RFC1: variants seen among roughly 807,000 people sequenced by gnomAD.
RFC1 encodes the protein A1 140 kDa subunit.
In RFC1, 37 loss-of-function variants were observed where a neutral mutation model predicts 137.4. The ratio of observed to expected loss-of-function variants is 0.27; its 90% CI spans 0.21 to 0.35. The LOEUF (loss-of-function observed/expected upper bound fraction) is 0.35, where lower values mean the gene tolerates loss of function less well. Among genes scored for constraint, RFC1 ranks in the 10% least tolerant of loss-of-function variants. The pLI, the probability that RFC1 is intolerant of heterozygous loss-of-function variation, is 1.00. For synonymous variants in RFC1, 429 were observed against 455.7 expected (o/e 0.94, Z 0.75); for missense variants, 1,205 against 1,358.5 (o/e 0.89, Z 1.78).
At chr4:39,333,165 C>T (rs138146666) in intron 4 of RFC1, among the ~76,000 whole-genome samples, 4 of 152,270 alleles carry the variant, frequency 2.6e-5, no homozygotes, top group Admixed American at 6.5e-5. Context: ...TTGGACCAAA[C>T]GAACTCTTAA....
At chr4:39,334,104 GC>G (rs969178993) in intron 4 of RFC1, among the ~76,000 whole-genome samples, 6 of 151,738 alleles carry the variant, frequency 4.0e-5, no homozygotes, top group African/African-American at 1.5e-4. Context: ...CCTATTTAGT[GC>G]CCCCTGATTT....
intron 1 of RFC1, among the ~76,000 whole-genome samples, chr4:39,357,258 C>T (rs1471822845): frequency 1.3e-5 from 2 of 152,110 alleles, no homozygotes; most frequent in Non-Finnish European, 2.9e-5. Flanking sequence ...GAGGCCACTC[C>T]CATGACAGCA....
Position 39,302,312 on chromosome 4 carries a change from G to T in RFC1, c.2501C>A (p.Ala834Asp). The change falls in exon 19 of 25, where the codon GCT becomes GAT. Residue 834 changes from alanine to aspartate, a missense_variant. Coordinates refer to ENST00000349703, the MANE Select transcript of RFC1 (RefSeq NM_002913.5). Reference protein sequence around the residue: ...SKALTYDQAKADSHRAKKDIK... With the variant: ...SKALTYDQAKDDSHRAKKDIK... ...ATCCTTTTTGGCTCTGTGAGAATCA[G>T]CTTTGGCCTGGTCATAGGTTAATGC... 6.2e-7 allele frequency: 1 copy of T among 1,612,764 alleles called. No individual in the cohort carries two copies. The highest frequency in any genetic ancestry group is 8.5e-7 in the Non-Finnish European group (1 of 1,178,798).
intron 9 of RFC1, chr4:39,318,098 A>C (rs1739336239): frequency 6.6e-6 from 1 of 152,186 alleles, no homozygotes; most frequent in Non-Finnish European, 1.5e-5. Flanking sequence ...CGGAGCTTGC[A>C]GTGAGCTGAG....
At chr4:39,301,402 C>T (rs1738354997) in intron 19 of RFC1, among the ~76,000 whole-genome samples, 1 of 152,148 alleles carries the variant, frequency 6.6e-6, no homozygotes, top group South Asian at 2.1e-4. Flanking sequence ...CGTACAACAC[C>T]AAGAGGGAAT....
At chr4:39,342,264 G>A (rs1025771203) in intron 4 of RFC1, 81 bp downstream of exon 4, 1 of 1,434,234 alleles carries the variant, frequency 7.0e-7, no homozygotes, top group South Asian at 1.4e-5. Flanking sequence ...CATTCAAAGT[G>A]AAGGAGGTAC....
At chr4:39,319,787 A>T (rs1739423311) in intron 9 of RFC1, among the ~76,000 whole-genome samples, 1 of 152,068 alleles carries the variant, frequency 6.6e-6, no homozygotes, top group African/African-American at 2.4e-5. Context: ...CTATCTAATA[A>T]CCAAGCCGGC....
chr4:39,344,235 T>C (rs564746075), intron 3 of RFC1, among the ~76,000 whole-genome samples: 18 of 152,236 alleles, frequency 1.2e-4, no homozygotes, highest in African/African-American at 4.1e-4. Context: ...ACCATCATTT[T>C]GTGCATCATA....
chr4:39,294,841 A>G (rs1201811767), intron 22 of RFC1, among the ~76,000 whole-genome samples: 1 of 152,104 alleles, frequency 6.6e-6, no homozygotes, highest in African/African-American at 2.4e-5. Context: ...CATATCTACC[A>G]AAAAATACAA....
rs1739471871 is a variant in RFC1, at chr4:39,320,599, T to G, written c.879A>C (p.Ser293=). Residue 293 remains serine, a synonymous_variant, in exon 9 of 25, where the codon TCA becomes TCC. Coordinates refer to ENST00000349703, the MANE Select transcript of RFC1 (RefSeq NM_002913.5). The part of the protein sequence containing the change: ...SPRKQSKYES[S]KESQQHSKSS... ...ACTTGGAATGTTGCTGAGATTCTTTTGAACTTTCATATTTACTTTGCTTCC... is the reference window on the plus strand; with the variant it reads ...ACTTGGAATGTTGCTGAGATTCTTTGGAACTTTCATATTTACTTTGCTTCC... The G allele has an allele frequency of 6.2e-7, 1 of 1,612,582 alleles. No individual in the cohort carries two copies. Among genetic ancestry groups the G allele is most frequent in the Non-Finnish European group, 8.5e-7 (1 of 1,179,660 alleles).
At chr4:39,336,325 C>A (rs1207683735) in intron 4 of RFC1, among the ~76,000 whole-genome samples, 2 of 7,064 alleles carry the variant, frequency 2.8e-4, no homozygotes, top group Non-Finnish European at 9.4e-3. Flanking sequence ...AAAGGCAGAT[C>A]CACACCACAG....
chr4:39,291,980 T>C (rs1737705704), intron 22 of RFC1, 128 bp from the exon 23 acceptor site: 2 of 689,226 alleles, frequency 2.9e-6, no homozygotes, highest in Admixed American at 2.3e-5. Flanking sequence ...GAATGCCTAC[T>C]ATTTGACAGC....
intron 13 of RFC1, among the ~76,000 whole-genome samples, chr4:39,307,707 C>T (rs547287596): frequency 3.3e-5 from 5 of 149,432 alleles, no homozygotes; most frequent in African/African-American, 1.2e-4. Flanking sequence ...CAGAGCAAGA[C>T]TCTGTCTCAA....
Position 39,289,965 on chromosome 4 carries a change from T to C in RFC1, c.3243A>G (p.Ala1081=), listed in dbSNP as rs1221112151. Reference sequence around the variant, plus strand: ...GGGATGGGCTTGTGCTGTGTCTAGATGCCTTTATAGCTTGAAGTGAGTATG... The same window carrying C: ...GGGATGGGCTTGTGCTGTGTCTAGACGCCTTTATAGCTTGAAGTGAGTATG... ...LTPYSLQAIK[A]SRHSTSPSLD... is the part of the protein sequence containing the mutation. Residue 1081 remains alanine, a synonymous_variant, in exon 24 of 25, where the codon GCA becomes GCG. Transcript: ENST00000349703. 3 of 1,613,598 alleles carry C rather than the reference T, an allele frequency of 1.9e-6. No homozygotes were observed. Among genetic ancestry groups the C allele is most frequent in the Non-Finnish European group, 2.5e-6 (3 of 1,179,612 alleles).
chr4:39,292,615 ATTAT>A (rs58733449), intron 22 of RFC1, among the ~76,000 whole-genome samples: 54,464 of 143,848 alleles, frequency 0.38, 11,981 homozygotes, highest in East Asian at 0.6. Flanking sequence ...ATATGTATAC[ATTAT>A]TTATTTATTT....
At chr4:39,348,828 G>A (rs1314834141) in intron 2 of RFC1, among the ~76,000 whole-genome samples, 1 of 152,180 alleles carries the variant, frequency 6.6e-6, no homozygotes, top group Non-Finnish European at 1.5e-5. Context: ...CTGTGACTGT[G>A]GGGGTAGGGC....
In RFC1 at chr4:39,288,620, A is replaced by G. The variant is rs1458014379; in HGVS notation, c.*141T>C. On this transcript the variant is annotated 3_prime_UTR_variant, in exon 25 of 25. Transcript: ENST00000349703. ...CTGCTCATACCCTTCTAGCCATACC[A>G]CCCTTTATTTATAATGGGACACCAG... is the stretch of plus-strand genomic sequence containing the variant. 3.1e-6 allele frequency: 2 copies of G among 644,626 alleles called. No individual in the cohort carries two copies. Among genetic ancestry groups the G allele is most frequent in the Non-Finnish European group, 5.6e-6 (2 of 357,880 alleles). The allele number at this position is 644,626 out of a possible 1,614,324, so 39.9% of individuals were successfully genotyped here. A position where few individuals can be genotyped will look rare whatever the true frequency, so the allele number is the denominator to read the frequency against.
intron 13 of RFC1, 100 bp from the exon 14 acceptor site, chr4:39,306,801 G>A: frequency 1.4e-6 from 1 of 702,942 alleles, no homozygotes; most frequent in South Asian, 1.6e-5. Context: ...ATAGACAGCT[G>A]TCCTCCAGTT....
At position 39,303,318 on chromosome 4, in the gene RFC1, A is replaced by C. The variant is rs1738465497; in HGVS notation, c.2111-167T>G. On this transcript the variant is annotated intron_variant, in intron 15 of 24. Transcript: ENST00000349703. ...TTAAAGAAAAAAAAAAAAAAAGAAT[A>C]TGCAGAGAAGAGAAACTCTCCCTGC... The C allele has an allele frequency of 2.2e-5, 13 of 592,450 alleles. No individual in the cohort carries two copies. The East Asian group carries it at 2.8e-4, about 13-fold the overall frequency. 36.7% of individuals were successfully genotyped at this position (592,450 alleles called of 1,614,324 possible).
Sources: gnomAD v4.1 joint callset for allele counts (sites outside exome capture counted in the v4.1 genomes callset) on GRCh38, gnomAD v4.1.1 for gene constraint, MANE v1.5 for transcripts, NCBI Gene and HGNC (gene_info 2026-07-23, HGNC 2026-07-21) for gene names.